The following KLHL8 variants were observed in gnomAD, a reference collection of about 807,000 sequenced individuals.
The protein encoded by KLHL8 is kelch-like protein 8.
KLHL8 carries 38 observed loss-of-function variants against 63.5 expected under a neutral mutation model. The ratio of observed to expected loss-of-function variants is 0.60; its 90% CI spans 0.46 to 0.78. KLHL8 has a LOEUF of 0.78. KLHL8 is among the 30% of genes least tolerant of loss of function. The probability of loss-of-function intolerance (pLI) is 0.00; values close to 1 mark genes in which losing one functional copy is unlikely to be tolerated. For synonymous variants in KLHL8, 224 were observed against 254.3 expected, an observed-to-expected ratio of 0.88 and a Z score of 1.13; for missense variants, 566 against 752.4, an observed-to-expected ratio of 0.75 and a Z score of 2.90.
intron 8 of KLHL8, chr4:87,167,271 T>TA (rs1730440196): frequency 2.1e-6 from 1 of 476,508 alleles, no homozygotes; most frequent in Admixed American, 2.5e-5. Context: ...GGACCCATAT[T>TA]AGAGACCGAA....
At chr4:87,212,586 G>GAA (rs551344649) in intron 1 of KLHL8, among the ~76,000 whole-genome samples, 1 of 145,934 alleles carries the variant, frequency 6.9e-6, no homozygotes, top group Admixed American at 6.8e-5. Flanking sequence ...ATCTCAAAAA[G>GAA]AAAAAAAAAA....
intron 1 of KLHL8, among the ~76,000 whole-genome samples, chr4:87,204,061 G>A (rs1732024464): frequency 6.6e-6 from 1 of 152,122 alleles, no homozygotes. Context: ...TTACGTAAAT[G>A]AAAATTAAAA....
chr4:87,165,273 A>G (rs1295942931), intron 8 of KLHL8, among the ~76,000 whole-genome samples: 7 of 152,104 alleles, frequency 4.6e-5, no homozygotes, highest in Non-Finnish European at 8.8e-5. Flanking sequence ...CTTTCCATGA[A>G]TTCTGACAAA....
intron 1 of KLHL8, among the ~76,000 whole-genome samples, chr4:87,230,536 G>A (rs1031468967): frequency 4.6e-5 from 7 of 152,096 alleles, no homozygotes; most frequent in African/African-American, 1.4e-4. Flanking sequence ...AGAATTCCAC[G>A]TATGACCTAC....
At chr4:87,214,421 T>G (rs1423473173) in intron 1 of KLHL8, among the ~76,000 whole-genome samples, 6 of 27,086 alleles carry the variant, frequency 2.2e-4, no homozygotes, top group South Asian at 3.6e-3. Context: ...AACAGATATA[T>G]ATATATATAT....
intron 1 of KLHL8, among the ~76,000 whole-genome samples, chr4:87,233,877 A>T (rs1733180012): frequency 2.0e-5 from 3 of 152,232 alleles, no homozygotes; most frequent in African/African-American, 7.2e-5. Context: ...ATTTTAAAAA[A>T]TACTAATTTC....
rs1293862007 is a variant in KLHL8 at position 87,161,228 on chromosome 4, G to A, written c.*2291C>T. 6.6e-6 allele frequency: 1 copy of A among 152,068 alleles called. No homozygotes were observed. Among genetic ancestry groups the A allele is most frequent in the Non-Finnish European group, 1.5e-5 (1 of 68,026 alleles). The allele number at this position is 152,068 out of a possible 1,614,324, so 9.4% of individuals were successfully genotyped here. A position where few individuals can be genotyped will look rare whatever the true frequency, so the allele number is the denominator to read the frequency against. On this transcript the variant is annotated 3_prime_UTR_variant, in exon 10 of 10. Transcript: ENST00000273963. Reference sequence around the variant, plus strand: ...CTGGCTAATTTTTGTACTTTTAGTAGAGACAGGGTTTCACCATGTTGGTCA... The same window carrying A: ...CTGGCTAATTTTTGTACTTTTAGTAAAGACAGGGTTTCACCATGTTGGTCA...
In KLHL8 at chr4:87,161,003, TAA is replaced by T. The variant is rs1320352276; in HGVS notation, c.*2514_*2515del. The T allele has an allele frequency of 6.6e-6, 1 of 151,586 alleles. No homozygotes were observed. Among genetic ancestry groups the T allele is most frequent in the Non-Finnish European group, 1.5e-5 (1 of 67,884 alleles). 9.4% of individuals were successfully genotyped at this position (151,586 alleles called of 1,614,324 possible). ...TCTCAATAAACGTGTTTTTGCCTGA[TAA>T]AGAGAACTGTGCACATATTGATTCT... is the stretch of plus-strand genomic sequence containing the variant. On this transcript the variant is annotated 3_prime_UTR_variant, in exon 10 of 10. Transcript: ENST00000273963.
intron 1 of KLHL8, among the ~76,000 whole-genome samples, chr4:87,206,202 T>A (rs1467703392): frequency 6.6e-6 from 1 of 152,160 alleles, no homozygotes; most frequent in Admixed American, 6.5e-5. Context: ...CTCATTGTAC[T>A]CCAGTTCAGA....
At chr4:87,206,123 T>C (rs994782369) in intron 1 of KLHL8, among the ~76,000 whole-genome samples, 2 of 152,222 alleles carry the variant, frequency 1.3e-5, no homozygotes, top group Admixed American at 6.5e-5. Context: ...TCAATTCTCC[T>C]GGATTCTACT....
intron 1 of KLHL8, among the ~76,000 whole-genome samples, chr4:87,199,819 C>A (rs1731839857): frequency 6.6e-6 from 1 of 151,454 alleles, no homozygotes; most frequent in African/African-American, 2.4e-5. Flanking sequence ...ACAGCAAGCA[C>A]CTGTCTCAAA....
chr4:87,214,454 ATAT>A (rs1732521891), intron 1 of KLHL8, among the ~76,000 whole-genome samples: 1 of 116,618 alleles, frequency 8.6e-6, no homozygotes, highest in Non-Finnish European at 1.8e-5. Flanking sequence ...ATATATATAT[ATAT>A]ATAATTGTCA....
At chr4:87,196,017 G>GT (rs1731681827) in intron 1 of KLHL8, among the ~76,000 whole-genome samples, 1 of 151,860 alleles carries the variant, frequency 6.6e-6, no homozygotes, top group Non-Finnish European at 1.5e-5. Context: ...GTTTCTCCAT[G>GT]TTCCCCATGC....
intron 8 of KLHL8, among the ~76,000 whole-genome samples, chr4:87,168,674 GTATATATGTGTGTATATATATACGTA>G (rs1730501722): frequency 6.9e-6 from 1 of 145,764 alleles, no homozygotes; most frequent in Non-Finnish European, 1.5e-5. Flanking sequence ...ATATATGTGT[GTATATATGTGTGTATATATATACGTA>G]TATATATGTG....
chr4:87,233,173 T>C (rs1051857195), intron 1 of KLHL8, among the ~76,000 whole-genome samples: 14 of 152,222 alleles, frequency 9.2e-5, no homozygotes, highest in Admixed American at 6.5e-5. Context: ...CCCGAGTAGC[T>C]GGGATTACAG....
At chr4:87,190,738 T>C (rs533989125) in intron 2 of KLHL8, among the ~76,000 whole-genome samples, 20 of 152,222 alleles carry the variant, frequency 1.3e-4, no homozygotes, top group African/African-American at 4.3e-4. Context: ...TTATTTCTCA[T>C]AGTTCTTGAG....
intron 8 of KLHL8, 126 bp downstream of exon 8, chr4:87,169,953 G>T (rs1730573553): frequency 3.0e-6 from 2 of 665,506 alleles, no homozygotes; most frequent in East Asian, 2.7e-5. Context: ...TTGTAAGAAA[G>T]AATTCAAAAG....
rs1477342210 is a variant in KLHL8, at chr4:87,163,361, G to C, written c.*158C>G. 1.7e-6 allele frequency: 1 copy of C among 599,248 alleles called. No individual in the cohort carries two copies. The highest frequency in any genetic ancestry group is 2.7e-6 in the Non-Finnish European group (1 of 365,100). 37.1% of individuals were successfully genotyped at this position (599,248 alleles called of 1,614,324 possible). ...AACTCTATTACTAATAATTCTTCAG[G>C]TATCATTCCAAAAGTTGTACTTAGT... On this transcript the variant is annotated 3_prime_UTR_variant, in exon 10 of 10. Transcript: ENST00000273963.
At chr4:87,222,304 A>G (rs1052767189), upstream of KLHL8, among the ~76,000 whole-genome samples, 1 of 152,158 alleles carries the variant, frequency 6.6e-6, no homozygotes, top group African/African-American at 2.4e-5. Context: ...TTCCCCTAAA[A>G]GTCCTTTACT....
Sources: gnomAD v4.1 joint callset for allele counts (sites outside exome capture counted in the v4.1 genomes callset) on GRCh38, gnomAD v4.1.1 for gene constraint, MANE v1.5 for transcripts, NCBI Gene and HGNC (gene_info 2026-07-23, HGNC 2026-07-21) for gene names.